The following TBC1D22A variants were observed in gnomAD, a reference collection of about 807,000 sequenced individuals.
The protein encoded by TBC1D22A is putative GTPase activator.
Under a neutral mutation model 60.2 loss-of-function variants are expected in TBC1D22A, and 38 were observed. That is an observed-to-expected ratio of 0.63 (90% CI 0.49 to 0.83). The LOEUF (loss-of-function observed/expected upper bound fraction) is 0.83. Ranked by LOEUF, TBC1D22A falls within the 40% of genes least tolerant of loss-of-function variation. The pLI, the probability that TBC1D22A is intolerant of heterozygous loss-of-function variation, is 0.00. For synonymous variants in TBC1D22A, 302 were observed against 281.7 expected (o/e 1.07, Z -0.72); for missense variants, 628 against 701.0 (o/e 0.90, Z 1.18).
chr22:46,899,393 G>C (rs1213906461), intron 7 of TBC1D22A, among the ~76,000 whole-genome samples: 4 of 151,928 alleles, frequency 2.6e-5, no homozygotes, highest in Non-Finnish European at 5.9e-5. Flanking sequence ...GCTGCAGTGA[G>C]CCGAGGTGGC....
At chr22:47,137,017 C>G (rs1229108263) in intron 12 of TBC1D22A, among the ~76,000 whole-genome samples, 1 of 152,176 alleles carries the variant, frequency 6.6e-6, no homozygotes, top group East Asian at 1.9e-4. Context: ...CTGGCTACGT[C>G]TTCACTCGGC....
chr22:46,902,997 G>A (rs1271627640), intron 7 of TBC1D22A, among the ~76,000 whole-genome samples: 1 of 152,216 alleles, frequency 6.6e-6, no homozygotes, highest in Non-Finnish European at 1.5e-5. Flanking sequence ...CAGCGTATGG[G>A]GCAGTCCACT....
intron 10 of TBC1D22A, among the ~76,000 whole-genome samples, chr22:47,024,225 T>C (rs1048976670): frequency 2.0e-5 from 3 of 152,018 alleles, no homozygotes; most frequent in Non-Finnish European, 4.4e-5. Flanking sequence ...CTATGGCTAA[T>C]AAGCTAACAG....
intron 11 of TBC1D22A, among the ~76,000 whole-genome samples, chr22:47,067,795 C>A (rs2063826699): frequency 6.6e-6 from 1 of 152,184 alleles, no homozygotes; most frequent in African/African-American, 2.4e-5. Context: ...CATACGTGCA[C>A]TCACAGAACT....
intron 12 of TBC1D22A, among the ~76,000 whole-genome samples, chr22:47,122,053 C>T (rs2066290160): frequency 6.6e-6 from 1 of 152,216 alleles, no homozygotes; most frequent in Admixed American, 6.5e-5. Context: ...AGCACACAGG[C>T]CCATGGCCCT....
chr22:46,928,920 A>C (rs772007971), intron 8 of TBC1D22A, among the ~76,000 whole-genome samples: 1 of 152,184 alleles, frequency 6.6e-6, no homozygotes, highest in Non-Finnish European at 1.5e-5. Context: ...TAACAGTTAC[A>C]AATGCTGGCA....
Position 46,974,347 on chromosome 22 carries a change from A to G in TBC1D22A, c.1073A>G (p.Asn358Ser). ...GGCGTGCCCGCAGAGGTGCTGTGCA[A>G]CATCGAGGCCGACACCTACTGGTGC... ...VSGVPAEVLC[N>S]IEADTYWCMS... The change falls in exon 9 of 13, where the codon AAC becomes AGC. Residue 358 changes from asparagine (N) to serine (S), a missense_variant. By Grantham distance (46) the Asn-to-Ser change is conservative. Coordinates refer to ENST00000337137, the MANE Select transcript of TBC1D22A (RefSeq NM_014346.5). 2 of 1,611,322 alleles carry G rather than the reference A, an allele frequency of 1.2e-6. No homozygotes were observed. The highest frequency in any genetic ancestry group is 1.3e-5 in the African/African-American group (1 of 75,030).
At chr22:47,079,084 C>CTTT (rs35269996) in intron 11 of TBC1D22A, among the ~76,000 whole-genome samples, 6,527 of 124,782 alleles carry the variant, frequency 0.052, 300 homozygotes, top group Middle Eastern at 0.078. Context: ...GTAGAGCAGA[C>CTTT]TTTTTTTTTT....
intron 7 of TBC1D22A, among the ~76,000 whole-genome samples, chr22:46,909,333 C>T (rs921280535): frequency 3.3e-5 from 5 of 152,224 alleles, no homozygotes; most frequent in African/African-American, 4.8e-5. Context: ...CACTCACTCA[C>T]ACCCAGCACT....
intron 9 of TBC1D22A, among the ~76,000 whole-genome samples, chr22:46,975,719 ATGGCTTTTATAGCCTG>A (rs2074269896): frequency 6.6e-6 from 1 of 152,244 alleles, no homozygotes. Context: ...TCATCAGAAT[ATGGCTTTTATAGCCTG>A]TGGTCTAAGG....
chr22:46,986,052 A>G (rs2074711778), intron 9 of TBC1D22A, among the ~76,000 whole-genome samples: 1 of 152,200 alleles, frequency 6.6e-6, no homozygotes, highest in South Asian at 2.1e-4. Context: ...TTTTGGTTTT[A>G]GGTCTACAAC....
intron 12 of TBC1D22A, among the ~76,000 whole-genome samples, chr22:47,151,726 C>T (rs1232254241): frequency 1.3e-5 from 2 of 152,218 alleles, no homozygotes; most frequent in Non-Finnish European, 2.9e-5. Context: ...AGTGACCTTA[C>T]TCTCCTGGAA....
At chr22:46,814,787 A>G (rs556153334) in intron 4 of TBC1D22A, among the ~76,000 whole-genome samples, 4 of 150,666 alleles carry the variant, frequency 2.7e-5, no homozygotes, top group East Asian at 1.9e-4. Flanking sequence ...CTGGGGTTAC[A>G]GGCCGCTGCC....
chr22:47,049,084 C>T (rs2063120342), intron 11 of TBC1D22A, among the ~76,000 whole-genome samples: 1 of 152,220 alleles, frequency 6.6e-6, no homozygotes, highest in Non-Finnish European at 1.5e-5. Flanking sequence ...TCGTTAATGG[C>T]CGGGAAGAGG....
At chr22:47,048,869 C>T (rs1007788006) in intron 11 of TBC1D22A, among the ~76,000 whole-genome samples, 2 of 152,210 alleles carry the variant, frequency 1.3e-5, no homozygotes, top group African/African-American at 2.4e-5. Flanking sequence ...TGCTGGGGCA[C>T]ACCTGACTGC....
At chr22:46,898,462 A>G (rs1421806261) in intron 7 of TBC1D22A, among the ~76,000 whole-genome samples, 1 of 152,146 alleles carries the variant, frequency 6.6e-6, no homozygotes, top group African/African-American at 2.4e-5. Flanking sequence ...GATATTGAGA[A>G]GTGCACAGTT....
Position 46,974,373 on chromosome 22 carries a change from A to C in TBC1D22A, c.1099A>C (p.Met367Leu). Residue 367 changes from methionine (M) to leucine (L), a missense_variant, in exon 9 of 13, where the codon ATG (methionine) becomes CTG (leucine). Transcript: ENST00000337137. ...CNIEADTYWCMSKLLDGIQDN... is the reference protein window; with the variant it reads ...CNIEADTYWCLSKLLDGIQDN... ...CATCGAGGCCGACACCTACTGGTGC[A>C]TGAGCAAGCTGCTGGATGGCATTCA... 1 of 1,611,596 alleles carries C rather than the reference A, an allele frequency of 6.2e-7. No homozygotes were observed. The highest frequency in any genetic ancestry group is 1.1e-5 in the South Asian group (1 of 90,362).
Position 47,157,011 on chromosome 22 carries a change from T to TGTCA in TBC1D22A, c.1426-16485_1426-16482dup, listed in dbSNP as rs756966319. Reference sequence around the variant, plus strand: ...TACCATTCCCATCCAGAGGGACAGATGTCAGCACTGGGCCCTATGGAGGGG... The same window carrying TGTCA: ...TACCATTCCCATCCAGAGGGACAGATGTCAGTCAGCACTGGGCCCTATGGAGGGG... On this transcript the variant is annotated intron_variant, in intron 12 of 12. Coordinates refer to ENST00000337137, the MANE Select transcript of TBC1D22A (RefSeq NM_014346.5). Among the ~76,000 whole-genome samples the TGTCA allele has an allele frequency of 3.9e-4, 60 of 152,282 alleles. 1 individual carries two copies. The highest frequency in any genetic ancestry group is 1.5e-3 in the South Asian group (7 of 4,826).
At position 46,951,422 on chromosome 22, in the gene TBC1D22A, A is replaced by T. The variant is rs137859120; in HGVS notation, c.1016-22868A>T. Among the ~76,000 whole-genome samples the T allele has an allele frequency of 2.0e-3, 306 of 152,314 alleles. 5 individuals carry two copies. Among genetic ancestry groups the T allele is most frequent in the Non-Finnish European group, 3.6e-3 (245 of 68,016 alleles). On this transcript the variant is annotated intron_variant, in intron 8 of 12. Transcript: ENST00000337137. ...CAGTCAGTTTCGCGATTCATGTGTT[A>T]TGCATTTTCAAAGAATAATCAAGAG...
Sources: allele counts gnomAD v4.1 joint callset (sites outside exome capture counted in the v4.1 genomes callset), GRCh38; gene constraint gnomAD v4.1.1; transcripts MANE v1.5; gene names NCBI Gene and HGNC (gene_info 2026-07-23, HGNC 2026-07-21).